The following CACNA1G variants were observed in gnomAD, a reference collection of about 807,000 sequenced individuals.
The protein encoded by CACNA1G is voltage-dependent T-type calcium channel subunit alpha-1G.
In CACNA1G, 67 loss-of-function variants were observed where a neutral mutation model predicts 219.4. The ratio of observed to expected loss-of-function variants is 0.31; its 90% CI spans 0.25 to 0.37. The LOEUF (loss-of-function observed/expected upper bound fraction) is 0.37. Among genes scored for constraint, CACNA1G ranks in the 10% least tolerant of loss-of-function variants. The pLI is 1.00. For missense variants in CACNA1G, 2,380 were observed against 3,231.4 expected, an observed-to-expected ratio of 0.74 and a Z score of 6.39; for synonymous variants, 1,296 against 1,345.3, an observed-to-expected ratio of 0.96 and a Z score of 0.80.
chr17:50,624,341 C>CCGGG lies in CACNA1G; in HGVS notation c.6230-19_6230-18insCGGG. The CCGGG allele has an allele frequency of 6.8e-7, 1 of 1,471,216 alleles. No homozygotes were observed. The highest frequency in any genetic ancestry group is 9.3e-7 in the Non-Finnish European group (1 of 1,076,542). 91.1% of individuals were successfully genotyped at this position (1,471,216 alleles called of 1,614,324 possible). On this transcript the variant is annotated intron_variant, in intron 36 of 37. Coordinates refer to ENST00000359106, the MANE Select transcript of CACNA1G (RefSeq NM_018896.5). ...CCATTCTCTCCCCCCACCCCTCCCC[C>CCGGG]GCTTCCCTCCCTCCACAGGCTCCGT...
Position 50,606,882 on chromosome 17 carries a change from T to C in CACNA1G, c.4423-18T>C. 1.3e-6 allele frequency: 2 copies of C among 1,595,294 alleles called. No individual in the cohort carries two copies. Among genetic ancestry groups the C allele is most frequent in the Non-Finnish European group, 1.7e-6 (2 of 1,163,178 alleles). On this transcript the variant is annotated intron_variant, in intron 23 of 37. Coordinates refer to ENST00000359106, the MANE Select transcript of CACNA1G (RefSeq NM_018896.5). ...ACATCCTAGACTTCAAATGTCTCCT[T>C]CTCCTCCTCCCCATCAGGCCCTGAT...
chr17:50,611,270 AAG>A (rs1204293670), intron 26 of CACNA1G, among the ~76,000 whole-genome samples: 12 of 143,498 alleles, frequency 8.4e-5, no homozygotes, highest in South Asian at 2.1e-4. Flanking sequence ...AAAAAAAAAA[AAG>A]AGAGAGAGAG....
At chr17:50,566,368 C>T (rs1054842321) in intron 1 of CACNA1G, among the ~76,000 whole-genome samples, 1 of 151,374 alleles carries the variant, frequency 6.6e-6, no homozygotes, top group African/African-American at 2.4e-5. Context: ...GCCTTGGTCT[C>T]TTCCCTGTCC....
At chr17:50,620,979 G>C (rs2051748562) in intron 34 of CACNA1G, among the ~76,000 whole-genome samples, 2 of 152,210 alleles carry the variant, frequency 1.3e-5, no homozygotes, top group African/African-American at 4.8e-5. Flanking sequence ...TCCCAGGTGA[G>C]CCAGCCAGAT....
At chr17:50,592,147 G>T in intron 13 of CACNA1G, 55 bp downstream of exon 13, 1 of 1,544,914 alleles carries the variant, frequency 6.5e-7, no homozygotes, top group Non-Finnish European at 8.8e-7. Context: ...ACTTCCAATT[G>T]GCTGCCTGTC....
At position 50,600,422 on chromosome 17, in the gene CACNA1G, A is replaced by G. The variant is rs1364679310; in HGVS notation, c.3691-304A>G. Among the ~76,000 whole-genome samples the G allele has an allele frequency of 1.1e-4, 17 of 149,668 alleles. No individual in the cohort carries two copies. Among genetic ancestry groups the G allele is most frequent in the Admixed American group, 1.1e-3 (16 of 15,102 alleles). On this transcript the variant is annotated intron_variant, in intron 17 of 37. Transcript: ENST00000359106. The surrounding 1 kb of genome is among the most constrained non-coding windows in gnomAD (Gnocchi z 4.1). Reference sequence around the variant, plus strand: ...GATGCTGCTTCCCAGCTCAGCAGGGAGGACAGGCAGGGGGCTGGGCTGGAG... The same window carrying G: ...GATGCTGCTTCCCAGCTCAGCAGGGGGGACAGGCAGGGGGCTGGGCTGGAG...
chr17:50,590,300 C>T (rs143133404), intron 9 of CACNA1G, among the ~76,000 whole-genome samples, 171 bp from the exon 10 acceptor site: 44 of 152,240 alleles, frequency 2.9e-4, no homozygotes, highest in Non-Finnish European at 5.6e-4. Context: ...GGGTGCATTT[C>T]CTCCTGGAGC....
intron 8 of CACNA1G, among the ~76,000 whole-genome samples, chr17:50,576,584 T>C (rs1370884654): frequency 1.3e-5 from 2 of 152,250 alleles, no homozygotes; most frequent in Non-Finnish European, 2.9e-5. Flanking sequence ...CTGTTTGCAA[T>C]GATGTCTAGC....
chr17:50,580,399 C>G (rs1378716787), intron 9 of CACNA1G, among the ~76,000 whole-genome samples: 1 of 151,804 alleles, frequency 6.6e-6, no homozygotes, highest in East Asian at 1.9e-4. Context: ...GCCCCTCCCC[C>G]AGGGGGCACC....
In CACNA1G at chr17:50,596,509, C is replaced by T; in HGVS notation, c.2980-53C>T. Reference sequence around the variant, plus strand: ...GAAGAGAGGGAGGCCCGGTCCATCCCAACCACCCAAGCCTGGCCGGATCCC... The same window carrying T: ...GAAGAGAGGGAGGCCCGGTCCATCCTAACCACCCAAGCCTGGCCGGATCCC... On this transcript the variant is annotated intron_variant, in intron 14 of 37. Transcript: ENST00000359106. The surrounding 1 kb of genome is among the most constrained non-coding windows in gnomAD (Gnocchi z 4.8). 1 of 1,505,216 alleles carries T rather than the reference C, an allele frequency of 6.6e-7. No homozygotes were observed. The highest frequency in any genetic ancestry group is 9.2e-7 in the Non-Finnish European group (1 of 1,082,004). The allele number at this position is 1,505,216 out of a possible 1,614,324, so 93.2% of individuals were successfully genotyped here.
In CACNA1G at chr17:50,600,537, G is replaced by T. The variant is rs1057022046; in HGVS notation, c.3691-189G>T. 3.9e-5 allele frequency among the ~76,000 whole-genome samples: 6 copies of T among 152,002 alleles called. No individual in the cohort carries two copies. The highest frequency in any genetic ancestry group is 1.5e-4 in the African/African-American group (6 of 41,364). ...GGCAAGGGGTCCTCAGGGATGGGGA[G>T]GGGGCCTGGCAAGGTTGACAGGGAG... On this transcript the variant is annotated intron_variant, in intron 17 of 37. Transcript: ENST00000359106. This position sits in a 1 kb window ranked among gnomAD's most constrained non-coding sequence, Gnocchi z 4.1.
intron 8 of CACNA1G, 73 bp downstream of exon 8, chr17:50,576,399 G>A: frequency 7.0e-7 from 1 of 1,436,454 alleles, no homozygotes; most frequent in Non-Finnish European, 9.6e-7. Flanking sequence ...GGGACTAGGG[G>A]GTCTGGAGTC....
At chr17:50,592,535 A>G in intron 13 of CACNA1G, among the ~76,000 whole-genome samples, 1 of 152,202 alleles carries the variant, frequency 6.6e-6, no homozygotes, top group East Asian at 1.9e-4. Context: ...CTAAGACCAG[A>G]GCAGGGCTGA....
At chr17:50,624,639 G>C in intron 37 of CACNA1G, 110 bp downstream of exon 37, 2 of 1,120,184 alleles carry the variant, frequency 1.8e-6, no homozygotes, top group Non-Finnish European at 2.5e-6. Flanking sequence ...TTGTGTGCCA[G>C]TGATGTGCCA....
intron 26 of CACNA1G, 67 bp downstream of exon 26, chr17:50,610,002 T>C (rs2048865174): frequency 1.1e-5 from 17 of 1,480,178 alleles, no homozygotes; most frequent in Middle Eastern, 3.4e-4. Flanking sequence ...CCGTGGCTCA[T>C]TGATTCTATC....
Position 50,599,779 on chromosome 17 carries a change from G to A in CACNA1G, c.3610G>A (p.Ala1204Thr), listed in dbSNP as rs2046241333. 1 of 1,613,274 alleles carries A rather than the reference G, an allele frequency of 6.2e-7. No individual in the cohort carries two copies. Among genetic ancestry groups the A allele is most frequent in the Non-Finnish European group, 8.5e-7 (1 of 1,179,850 alleles). ...SEHQDCNGKS[A>T]SGRLARALRP... Reference sequence around the variant, plus strand: ...GCACCAGGACTGCAATGGCAAGTCGGCTTCAGGGCGCCTGGCCCGGGCCCT... The same window carrying A: ...GCACCAGGACTGCAATGGCAAGTCGACTTCAGGGCGCCTGGCCCGGGCCCT... Residue 1204 changes from alanine (A) to threonine (T), a missense_variant, in exon 17 of 38, where the codon GCT (alanine) becomes ACT (threonine). Coordinates refer to ENST00000359106, the MANE Select transcript of CACNA1G (RefSeq NM_018896.5).
chr17:50,570,361 C>T (rs958594101), intron 4 of CACNA1G, among the ~76,000 whole-genome samples: 4 of 152,136 alleles, frequency 2.6e-5, no homozygotes, highest in African/African-American at 4.8e-5. Context: ...CTGGAGCCAG[C>T]GAGGCTTTGG....
At position 50,621,845 on chromosome 17, in the gene CACNA1G, G is replaced by A; in HGVS notation, c.6060+51G>A. Reference sequence around the variant, plus strand: ...CCCGGCCACCCCCGGGGCTGGACTGGCTGCAGGGCTCCAGATCGGCCCAGG... The same window carrying A: ...CCCGGCCACCCCCGGGGCTGGACTGACTGCAGGGCTCCAGATCGGCCCAGG... On this transcript the variant is annotated intron_variant, in intron 35 of 37. Coordinates refer to ENST00000359106, the MANE Select transcript of CACNA1G (RefSeq NM_018896.5). The surrounding 1 kb of genome is among the most constrained non-coding windows in gnomAD (Gnocchi z 4.6). 1.9e-6 allele frequency: 3 copies of A among 1,604,614 alleles called. No individual in the cohort carries two copies. The highest frequency in any genetic ancestry group is 2.5e-6 in the Non-Finnish European group (3 of 1,176,540).
chr17:50,619,543 C>G, intron 33 of CACNA1G, 140 bp from the exon 34 acceptor site: 1 of 576,516 alleles, frequency 1.7e-6, no homozygotes, highest in Non-Finnish European at 2.9e-6. Context: ...TGTGTGTGCA[C>G]ATGTGCATGT....
Sources: gnomAD v4.1 joint callset for allele counts (sites outside exome capture counted in the v4.1 genomes callset) on GRCh38, gnomAD v4.1.1 for gene constraint, Gnocchi (gnomAD v3.1) non-coding constraint, MANE v1.5 for transcripts, NCBI Gene and HGNC (gene_info 2026-07-23, HGNC 2026-07-21) for gene names.